Variants in FAM53B observed in about 807,000 individuals in gnomAD.
The protein encoded by FAM53B is family with sequence similarity 53 member B, also known as protein FAM53B.
A neutral mutation model predicts 32.7 loss-of-function variants in FAM53B; 12 were observed. That is an observed-to-expected ratio of 0.37 (90% CI 0.24 to 0.59). The LOEUF (loss-of-function observed/expected upper bound fraction) is 0.59, where lower values mean the gene tolerates loss of function less well. FAM53B is among the 20% of genes least tolerant of loss of function. The pLI, the probability that FAM53B is intolerant of heterozygous loss-of-function variation, is 0.72. For synonymous variants in FAM53B, 234 were observed against 228.7 expected, an observed-to-expected ratio of 1.02 and a Z score of -0.21; for missense variants, 477 against 577.7, an observed-to-expected ratio of 0.83 and a Z score of 1.79.
chr10:124,732,324 C>T (rs1377245008), intron 1 of FAM53B, among the ~76,000 whole-genome samples: 2 of 152,226 alleles, frequency 1.3e-5, no homozygotes, highest in East Asian at 3.9e-4. Context: ...TTCCACTATC[C>T]ACCCAGAAAC....
intron 1 of FAM53B, among the ~76,000 whole-genome samples, chr10:124,718,873 C>G (rs1428325973): frequency 6.6e-6 from 1 of 152,102 alleles, no homozygotes; most frequent in East Asian, 1.9e-4. Flanking sequence ...ATGGAGAAAT[C>G]CCCATCTCTA....
intron 1 of FAM53B, among the ~76,000 whole-genome samples, chr10:124,739,048 A>C (rs1017912232): frequency 1.0e-4 from 15 of 149,976 alleles, no homozygotes; most frequent in African/African-American, 3.8e-4. Flanking sequence ...AAAAACAAAA[A>C]AAAAAAAACA....
intron 4 of FAM53B, among the ~76,000 whole-genome samples, chr10:124,663,003 C>T (rs192781295): frequency 2.0e-5 from 3 of 152,240 alleles, no homozygotes; most frequent in Admixed American, 1.3e-4. Flanking sequence ...GGGTCTCACA[C>T]AGAGCAGGAA....
At position 124,623,430 on chromosome 10, in the gene FAM53B, G is replaced by T; in HGVS notation, c.1081C>A (p.Pro361Thr). The T allele has an allele frequency of 2.5e-6, 4 of 1,604,248 alleles. No homozygotes were observed. Among genetic ancestry groups the T allele is most frequent in the African/African-American group, 1.3e-5 (1 of 74,884 alleles). Residue 361 changes from proline (P) to threonine (T), a missense_variant, in exon 5 of 5, where the codon CCT becomes ACT. Physicochemically the swap from Pro to Thr is conservative, Grantham distance 38. Around this residue, in one of 2 missense-constraint regions of FAM53B, gnomAD observed 165 missense variants for 157.5 expected, o/e 1.05. Transcript: ENST00000337318. The part of the protein sequence containing the change: ...AGTPVPEPLP[P>T]SFDDHLACQE... ...CAGGCGAGGTGGTCGTCGAAGGAAG[G>T]GGGAAGAGGCTCAGGGACCGGGGTC...
intron 2 of FAM53B, among the ~76,000 whole-genome samples, chr10:124,698,127 A>C (rs987464086): frequency 6.6e-6 from 1 of 152,160 alleles, no homozygotes; most frequent in African/African-American, 2.4e-5. Flanking sequence ...CTTGCCAAGG[A>C]AGGCAGCTCC....
At chr10:124,633,326 ACT>A (rs1310840688) in intron 4 of FAM53B, among the ~76,000 whole-genome samples, 1 of 152,152 alleles carries the variant, frequency 6.6e-6, no homozygotes, top group African/African-American at 2.4e-5. Context: ...GGATAGGAAG[ACT>A]CAACCTCAAA....
rs77813230 is a variant in FAM53B, at chr10:124,665,841, A to G, written c.906+15766T>C. Among the ~76,000 whole-genome samples the G allele has an allele frequency of 6.8e-3, 1,030 of 152,344 alleles. 10 individuals are homozygous for G. Among genetic ancestry groups the G allele is most frequent in the African/African-American group, 0.024 (984 of 41,572 alleles). ...TAGGTAAATAAATAGTGGCTGAACA[A>G]AGAGATTAATCTAGAATTGAATCTC... On this transcript the variant is annotated intron_variant, in intron 4 of 4. Coordinates refer to ENST00000337318, the MANE Select transcript of FAM53B (RefSeq NM_014661.4).
chr10:124,715,246 C>A (rs549295951), intron 1 of FAM53B, among the ~76,000 whole-genome samples: 1 of 152,162 alleles, frequency 6.6e-6, no homozygotes, highest in Non-Finnish European at 1.5e-5. Context: ...ATTAGGGGTT[C>A]CACTGTAAGC....
intron 4 of FAM53B, among the ~76,000 whole-genome samples, chr10:124,638,589 C>T (rs1949448969): frequency 6.6e-6 from 1 of 152,170 alleles, no homozygotes; most frequent in South Asian, 2.1e-4. Flanking sequence ...GGGAGTGACC[C>T]ACGTTGCCCA....
chr10:124,701,529 G>C (rs1169728638), intron 2 of FAM53B, among the ~76,000 whole-genome samples: 2 of 152,238 alleles, frequency 1.3e-5, no homozygotes, highest in African/African-American at 4.8e-5. Context: ...AAGGGAGGTG[G>C]TCACTCTGGA....
rs559296746 is a variant in FAM53B at position 124,704,872 on chromosome 10, C to T, written c.78+1764G>A. On this transcript the variant is annotated intron_variant, in intron 2 of 4. Coordinates refer to ENST00000337318, the MANE Select transcript of FAM53B (RefSeq NM_014661.4). The stretch of plus-strand genomic sequence containing the variant: ...GGACCAGTTACCACAAGAATCCTTG[C>T]GAGAGAACAGCAGGTGGAACCAGGG... Among the ~76,000 whole-genome samples, 45 of 152,264 alleles carry T rather than the reference C, an allele frequency of 3.0e-4. No homozygotes were observed. In the South Asian group the frequency reaches 8.7e-3, roughly 29 times the overall value.
intron 1 of FAM53B, among the ~76,000 whole-genome samples, chr10:124,728,957 C>T (rs1354234257): frequency 6.6e-6 from 1 of 152,216 alleles, no homozygotes; most frequent in East Asian, 1.9e-4. Flanking sequence ...CAGGCTCTAG[C>T]CCATCACAAG....
chr10:124,637,009 G>A (rs927128786), intron 4 of FAM53B, among the ~76,000 whole-genome samples: 1 of 152,116 alleles, frequency 6.6e-6, no homozygotes, highest in Non-Finnish European at 1.5e-5. Flanking sequence ...GCAGGCAAGC[G>A]CTGCAGAAAC....
chr10:124,676,953 G>A (rs528869309), intron 4 of FAM53B, among the ~76,000 whole-genome samples: 11 of 152,234 alleles, frequency 7.2e-5, no homozygotes, highest in East Asian at 3.9e-4. Context: ...GTGGGCAGCC[G>A]CAATCAATCA....
At position 124,682,152 on chromosome 10, in the gene FAM53B, C is replaced by T. The variant is rs1949777229; in HGVS notation, c.361G>A (p.Asp121Asn). Reference sequence around the variant, plus strand: ...GATGTCCGGCAACTGGACATCTCATCGGAGAAGGACAGTGAGCGGCACTGG... The same window carrying T: ...GATGTCCGGCAACTGGACATCTCATTGGAGAAGGACAGTGAGCGGCACTGG... The part of the protein sequence containing the change: ...KRQCRSLSFS[D>N]EMSSCRTSWR... Residue 121 changes from aspartate to asparagine, a missense_variant, in exon 4 of 5, where the codon GAT becomes AAT. By Grantham distance (23) the Asp-to-Asn change is conservative. Transcript: ENST00000337318. This position sits in a 1 kb window ranked among gnomAD's most constrained non-coding sequence, Gnocchi z 5.2. 2 of 1,613,492 alleles carry T rather than the reference C, an allele frequency of 1.2e-6. No homozygotes were observed. The highest frequency in any genetic ancestry group is 8.5e-7 in the Non-Finnish European group (1 of 1,179,796).
intron 4 of FAM53B, among the ~76,000 whole-genome samples, chr10:124,676,826 GCTT>G (rs1346671347): frequency 3.3e-5 from 5 of 152,082 alleles, no homozygotes; most frequent in Non-Finnish European, 7.4e-5. Flanking sequence ...TTTCTCTCAT[GCTT>G]CTTTTCTACC....
intron 1 of FAM53B, among the ~76,000 whole-genome samples, chr10:124,721,134 G>A (rs1358109429): frequency 2.0e-5 from 3 of 152,206 alleles, no homozygotes; most frequent in South Asian, 2.1e-4. Context: ...TCCGAGAAGC[G>A]GAGGTTGCAG....
intron 4 of FAM53B, among the ~76,000 whole-genome samples, chr10:124,669,035 A>C (rs1174707193): frequency 6.6e-6 from 1 of 152,188 alleles, no homozygotes; most frequent in African/African-American, 2.4e-5. Context: ...TGGCCTGGGG[A>C]AAGTGCAGGG....
At chr10:124,633,636 C>G (rs1949407029) in intron 4 of FAM53B, among the ~76,000 whole-genome samples, 4 of 152,136 alleles carry the variant, frequency 2.6e-5, no homozygotes, top group Admixed American at 2.6e-4. Context: ...ACAGAATGTT[C>G]TGAAATAGAC....
Sources: allele counts gnomAD v4.1 joint callset (sites outside exome capture counted in the v4.1 genomes callset), GRCh38; gene constraint gnomAD v4.1.1; regional missense constraint gnomAD v4.1.1; non-coding constraint Gnocchi (gnomAD v3.1); transcripts MANE v1.5; gene names NCBI Gene and HGNC (gene_info 2026-07-23, HGNC 2026-07-21).